Variants in PDE3A observed in about 807,000 individuals in gnomAD.
PDE3A encodes cGMP-inhibited 3',5'-cyclic phosphodiesterase 3A.
A neutral mutation model predicts 98.3 loss-of-function variants in PDE3A; 43 were observed. The ratio of observed to expected loss-of-function variants is 0.44; its 90% CI spans 0.34 to 0.56. PDE3A has a LOEUF of 0.56. Ranked by LOEUF, PDE3A falls within the 20% of genes least tolerant of loss-of-function variation. PDE3A has a pLI of 0.01. For missense variants in PDE3A, 1,427 were observed against 1,440.7 expected, an observed-to-expected ratio of 0.99 and a Z score of 0.15; for synonymous variants, 663 against 567.9, an observed-to-expected ratio of 1.17 and a Z score of -2.38.
chr12:20,602,049 C>T lies in PDE3A; in HGVS notation c.1012-11394C>T, dbSNP rs555755895. 5.9e-5 allele frequency among the ~76,000 whole-genome samples: 9 copies of T among 152,274 alleles called. No individual in the cohort carries two copies. In the South Asian group the frequency reaches 1.4e-3, roughly 25 times the overall value. On this transcript the variant is annotated intron_variant, in intron 2 of 15. Coordinates refer to ENST00000359062, the MANE Select transcript of PDE3A (RefSeq NM_000921.5). ...CCTATCATTTTTTAAAACTCTTTCTCATATCAGAGAAGTGCTCACATCCAG... is the reference window on the plus strand; with the variant it reads ...CCTATCATTTTTTAAAACTCTTTCTTATATCAGAGAAGTGCTCACATCCAG...
At position 20,391,057 on chromosome 12, in the gene PDE3A, T is replaced by G. The variant is rs957762318; in HGVS notation, c.960+20813T>G. The stretch of plus-strand genomic sequence containing the variant: ...AACGATCCCCAGGGCAATATACTGT[T>G]GTAACCTTTGATCACACTTAAAAAG... On this transcript the variant is annotated intron_variant, in intron 1 of 15. Transcript: ENST00000359062. Among the ~76,000 whole-genome samples, 6 of 152,034 alleles carry G rather than the reference T, an allele frequency of 3.9e-5. No homozygotes were observed. The East Asian group carries it at 1.2e-3, about 29-fold the overall frequency.
chr12:20,377,750 G>A (rs1031575590), intron 1 of PDE3A, among the ~76,000 whole-genome samples: 1 of 151,064 alleles, frequency 6.6e-6, no homozygotes, highest in African/African-American at 2.4e-5. Flanking sequence ...TATTTTCATC[G>A]GAGGGGGAGA....
chr12:20,666,326 C>T (rs1945311115), intron 15 of PDE3A, among the ~76,000 whole-genome samples: 1 of 152,148 alleles, frequency 6.6e-6, no homozygotes, highest in Non-Finnish European at 1.5e-5. Flanking sequence ...GTATGCAATA[C>T]ATTATTTTTA....
intron 15 of PDE3A, among the ~76,000 whole-genome samples, chr12:20,661,885 CCTAATGGAACTGTGA>C (rs914917238): frequency 3.0e-4 from 10 of 33,852 alleles, no homozygotes; most frequent in African/African-American, 6.1e-4. Flanking sequence ...TGGGGCAGTG[CCTAATGGAACTGTGA>C]GAAGAGAGCC....
intron 1 of PDE3A, among the ~76,000 whole-genome samples, chr12:20,421,637 C>T (rs1944514155): frequency 6.7e-6 from 1 of 148,678 alleles, no homozygotes; most frequent in Non-Finnish European, 1.5e-5. Flanking sequence ...CACTTTTGTG[C>T]TTGGGAACAG....
intron 1 of PDE3A, among the ~76,000 whole-genome samples, chr12:20,389,364 A>G (rs148405774): frequency 3.8e-3 from 585 of 152,056 alleles, no homozygotes; most frequent in African/African-American, 0.013. Flanking sequence ...CACTAATAAT[A>G]CAACTATATC....
intron 1 of PDE3A, among the ~76,000 whole-genome samples, chr12:20,433,062 C>T (rs567646372): frequency 6.6e-6 from 1 of 152,280 alleles, no homozygotes; most frequent in South Asian, 2.1e-4. Flanking sequence ...TTCTGAACCT[C>T]ATATTCAACT....
intron 1 of PDE3A, among the ~76,000 whole-genome samples, chr12:20,501,080 C>T (rs1946016303): frequency 6.6e-6 from 1 of 152,096 alleles, no homozygotes; most frequent in African/African-American, 2.4e-5. Context: ...GGCTTTTATT[C>T]TTTCACTGTA....
At chr12:20,597,050 G>A (rs1943483325) in intron 2 of PDE3A, among the ~76,000 whole-genome samples, 1 of 152,056 alleles carries the variant, frequency 6.6e-6, no homozygotes, top group Admixed American at 6.6e-5. Context: ...TGTAACCTTG[G>A]GCAAATTACA....
chr12:20,620,830 C>A (rs1944115499), intron 4 of PDE3A, among the ~76,000 whole-genome samples: 1 of 150,964 alleles, frequency 6.6e-6, no homozygotes, highest in East Asian at 1.9e-4. Flanking sequence ...AAAAAAACAC[C>A]ATTATTTATG....
chr12:20,552,997 G>A lies in PDE3A; in HGVS notation c.961-3663G>A, dbSNP rs1942257765. Reference sequence around the variant, plus strand: ...CCTCAACCAGCTCTTCCCCGGCTACGGCAATGGCCGGTGATCTCCAAGCAC... The same window carrying A: ...CCTCAACCAGCTCTTCCCCGGCTACAGCAATGGCCGGTGATCTCCAAGCAC... On this transcript the variant is annotated intron_variant, in intron 1 of 15. Transcript: ENST00000359062. The surrounding 1 kb of genome is among the most constrained non-coding windows in gnomAD (Gnocchi z 5.1). 20 of 1,562,596 alleles carry A rather than the reference G, an allele frequency of 1.3e-5. No individual in the cohort carries two copies. The highest frequency in any genetic ancestry group is 2.7e-5 in the African/African-American group (2 of 73,298).
intron 2 of PDE3A, among the ~76,000 whole-genome samples, chr12:20,577,921 G>C (rs1263050635): frequency 2.0e-5 from 3 of 152,176 alleles, no homozygotes; most frequent in African/African-American, 4.8e-5. Context: ...TGGGAAGGAA[G>C]TAGAGGTGTG....
intron 1 of PDE3A, chr12:20,551,926 C>T (rs1217914749): frequency 8.1e-6 from 13 of 1,613,310 alleles, no homozygotes; most frequent in Non-Finnish European, 9.3e-6. Flanking sequence ...GTGGCGGTTC[C>T]GAGTCCAGGT....
At chr12:20,669,658 T>C (rs977039352) in intron 15 of PDE3A, among the ~76,000 whole-genome samples, 2 of 151,600 alleles carry the variant, frequency 1.3e-5, no homozygotes, top group Non-Finnish European at 2.9e-5. Flanking sequence ...CTGAGAGATT[T>C]TGTCACCACC....
At chr12:20,524,837 T>G (rs1441881533) in intron 1 of PDE3A, among the ~76,000 whole-genome samples, 1 of 151,930 alleles carries the variant, frequency 6.6e-6, no homozygotes, top group Non-Finnish European at 1.5e-5. Context: ...CCTCTTGTGG[T>G]TAGAAGATGG....
At chr12:20,569,094 AATCATT>A (rs1181909496) in intron 2 of PDE3A, among the ~76,000 whole-genome samples, 10 of 152,212 alleles carry the variant, frequency 6.6e-5, no homozygotes, top group African/African-American at 2.4e-4. Flanking sequence ...TTAAAAATAA[AATCATT>A]ATCTTTATGG....
chr12:20,393,810 C>G (rs1943962160), intron 1 of PDE3A, among the ~76,000 whole-genome samples: 2 of 151,982 alleles, frequency 1.3e-5, no homozygotes, highest in Non-Finnish European at 2.9e-5. Context: ...GGCACAATGG[C>G]TCTTTGTCTT....
rs574295611 is a variant in PDE3A, at chr12:20,641,803, G to T, written c.2251+1846G>T. 1.3e-3 allele frequency among the ~76,000 whole-genome samples: 199 copies of T among 152,000 alleles called. 1 individual carries two copies. Among genetic ancestry groups the T allele is most frequent in the Middle Eastern group, 0.01 (3 of 294 alleles). ...GATATTTTTTACCCCTGAAATAGTG[G>T]GTTCTTTATTCCAGGTGAAAAGAAC... On this transcript the variant is annotated intron_variant, in intron 10 of 15. Transcript: ENST00000359062.
At position 20,368,820 on chromosome 12, in the gene PDE3A, C is replaced by G. The variant is rs1024929421; in HGVS notation, c.-465C>G. Among the ~76,000 whole-genome samples the G allele has an allele frequency of 2.6e-5, 4 of 151,766 alleles. No individual in the cohort carries two copies. Among genetic ancestry groups the G allele is most frequent in the Non-Finnish European group, 2.9e-5 (2 of 67,924 alleles). ...GGCGCGCTGCAGCGCAGCGCAGCGC[C>G]GAGCTGCGCCTCGGAATGGCCCGGA... On this transcript the variant is annotated 5_prime_UTR_variant, in exon 1 of 16. Transcript: ENST00000359062.
Sources: gnomAD v4.1 joint callset for allele counts (sites outside exome capture counted in the v4.1 genomes callset) on GRCh38, gnomAD v4.1.1 for gene constraint, Gnocchi (gnomAD v3.1) non-coding constraint, MANE v1.5 for transcripts, NCBI Gene and HGNC (gene_info 2026-07-23, HGNC 2026-07-21) for gene names.